Variants in AIM2 observed in about 807,000 individuals in gnomAD.
The protein encoded by AIM2 is absent in melanoma 2.
AIM2 carries 30 observed loss-of-function variants against 27.7 expected under a neutral mutation model. The observed-to-expected ratio is 1.08, with a 90% CI of 0.81 to 1.47. The LOEUF (loss-of-function observed/expected upper bound fraction) is 1.47, where lower values mean the gene tolerates loss of function less well. Ranked by LOEUF, AIM2 falls within the 40% of genes most tolerant of loss-of-function variation. The pLI, the probability that AIM2 is intolerant of heterozygous loss-of-function variation, is 0.00. For synonymous variants in AIM2, 141 were observed against 145.3 expected, an observed-to-expected ratio of 0.97 and a Z score of 0.21; for missense variants, 358 against 411.3, an observed-to-expected ratio of 0.87 and a Z score of 1.12.
At chr1:159,072,374 C>T (rs938598371) in intron 2 of AIM2, among the ~76,000 whole-genome samples, 2 of 152,220 alleles carry the variant, frequency 1.3e-5, no homozygotes, top group Non-Finnish European at 2.9e-5. Context: ...TTGTTGTACA[C>T]CCACAAATGC....
At chr1:159,102,323 G>C (rs999450957) in intron 1 of AIM2, among the ~76,000 whole-genome samples, 1 of 152,220 alleles carries the variant, frequency 6.6e-6, no homozygotes, top group Admixed American at 6.5e-5. Flanking sequence ...AAATGTCTGC[G>C]TGTCTAGGCA....
chr1:159,055,353 G>A, the AIM2 span, among the ~76,000 whole-genome samples: 1 of 152,220 alleles, frequency 6.6e-6, no homozygotes, highest in Non-Finnish European at 1.5e-5. Context: ...AAAGGGATAA[G>A]TAAGCGTGAA....
chr1:159,068,829 A>T lies in AIM2; in HGVS notation c.263-128T>A, dbSNP rs1019887256. On this transcript the variant is annotated intron_variant, in intron 2 of 5. Transcript: ENST00000368130. ...TCTTCAAGAACAGCTAATTTTTCTT[A>T]AAAAAAAATCATATTTTAAAATGAA... 4.4e-5 allele frequency: 42 copies of T among 945,250 alleles called. No individual in the cohort carries two copies. The Middle Eastern group carries it at 1.0e-3, about 23-fold the overall frequency. 58.6% of individuals were successfully genotyped at this position (945,250 alleles called of 1,614,324 possible). A position where few individuals can be genotyped will look rare whatever the true frequency, so the allele number is the denominator to read the frequency against.
chr1:159,114,550 C>G (rs1179054511), intron 1 of AIM2, among the ~76,000 whole-genome samples: 1 of 152,140 alleles, frequency 6.6e-6, no homozygotes, highest in African/African-American at 2.4e-5. Context: ...AACCCTGCCT[C>G]TACAAAAAAA....
chr1:159,143,115 A>T (rs1402620040), upstream of AIM2, among the ~76,000 whole-genome samples: 2 of 152,220 alleles, frequency 1.3e-5, no homozygotes, highest in Non-Finnish European at 2.9e-5. Flanking sequence ...TGAAACAATT[A>T]GATTAGAAAA....
chr1:159,106,788 A>C (rs1657457526), intron 1 of AIM2, among the ~76,000 whole-genome samples: 1 of 152,266 alleles, frequency 6.6e-6, no homozygotes, highest in Non-Finnish European at 1.5e-5. Flanking sequence ...TCTCTGCCAC[A>C]ACTAGCCTTA....
chr1:159,065,811 T>C, intron 4 of AIM2, 99 bp downstream of exon 4: 3 of 1,288,910 alleles, frequency 2.3e-6, no homozygotes, highest in Non-Finnish European at 3.2e-6. Flanking sequence ...ATTTTGTCTA[T>C]ATAGAAAGAC....
chr1:159,095,971 A>G (rs768232321), intron 1 of AIM2, among the ~76,000 whole-genome samples: 2 of 152,216 alleles, frequency 1.3e-5, no homozygotes, highest in Non-Finnish European at 1.5e-5. Context: ...TTAAATCTCA[A>G]TAAAATTTGA....
upstream of AIM2, among the ~76,000 whole-genome samples, chr1:159,144,777 T>C (rs1404304216): frequency 6.6e-6 from 1 of 152,192 alleles, no homozygotes; most frequent in Non-Finnish European, 1.5e-5. Context: ...CTGGGATACA[T>C]ATGATAAATG....
the AIM2 span, chr1:159,055,171 C>G: frequency 4.1e-6 from 1 of 241,528 alleles, no homozygotes; most frequent in East Asian, 8.7e-5. Context: ...CCCCAGCAGT[C>G]TCTTTAATCC....
chr1:159,123,679 C>G (rs867564303), intron 1 of AIM2: 2 of 152,186 alleles, frequency 1.3e-5, no homozygotes, highest in African/African-American at 4.8e-5. Flanking sequence ...TATTGCTGTG[C>G]ATCCTTCCCA....
At chr1:159,082,925 A>C (rs1656816314) in intron 1 of AIM2, among the ~76,000 whole-genome samples, 2 of 152,294 alleles carry the variant, frequency 1.3e-5, no homozygotes, top group South Asian at 4.1e-4. Flanking sequence ...ATATTTCCTA[A>C]GGAAAAAGTG....
chr1:159,106,071 T>A (rs915758971), intron 1 of AIM2, among the ~76,000 whole-genome samples: 8 of 152,148 alleles, frequency 5.3e-5, no homozygotes, highest in African/African-American at 1.9e-4. Flanking sequence ...TGCTCCACAC[T>A]GGAGCAGATG....
chr1:159,133,181 C>G (rs550183963), intron 1 of AIM2, among the ~76,000 whole-genome samples: 4 of 138,884 alleles, frequency 2.9e-5, no homozygotes, highest in Middle Eastern at 3.4e-3. Flanking sequence ...TGTTCTCTCT[C>G]TCTCTCTCTC....
intron 1 of AIM2, among the ~76,000 whole-genome samples, chr1:159,082,115 T>C (rs907518788): frequency 6.6e-6 from 1 of 151,438 alleles, no homozygotes; most frequent in East Asian, 1.9e-4. Context: ...AAAGAATAGA[T>C]CATATCTGAG....
intron 1 of AIM2, among the ~76,000 whole-genome samples, chr1:159,140,169 T>C (rs1648083940): frequency 6.6e-6 from 1 of 152,108 alleles, no homozygotes; most frequent in African/African-American, 2.4e-5. Context: ...CCCAGGAACT[T>C]CTGGTCCACA....
chr1:159,143,010 C>A (rs1648141419), upstream of AIM2, among the ~76,000 whole-genome samples: 1 of 152,214 alleles, frequency 6.6e-6, no homozygotes, highest in Non-Finnish European at 1.5e-5. Context: ...CAGCCCCCAG[C>A]TCTGGACACT....
downstream of AIM2, among the ~76,000 whole-genome samples, chr1:159,059,981 G>C (rs10489845): frequency 0.036 from 5,434 of 152,150 alleles, 230 homozygotes; most frequent in African/African-American, 0.099. Flanking sequence ...AGACCAGAGA[G>C]GATAGAACAA....
At chr1:159,129,991 A>G (rs1433805910) in intron 1 of AIM2, among the ~76,000 whole-genome samples, 18 of 152,124 alleles carry the variant, frequency 1.2e-4, no homozygotes, top group Admixed American at 1.2e-3. Flanking sequence ...ACTAATGTCC[A>G]CTTCTGTCAC....
Sources: allele counts gnomAD v4.1 joint callset (sites outside exome capture counted in the v4.1 genomes callset), GRCh38; gene constraint gnomAD v4.1.1; transcripts MANE v1.5; gene names NCBI Gene and HGNC (gene_info 2026-07-23, HGNC 2026-07-21).